Variants in ZFYVE9 observed in about 807,000 individuals in gnomAD.
ZFYVE9 encodes zinc finger FYVE domain-containing protein 9.
In ZFYVE9, 43 loss-of-function variants were observed where a neutral mutation model predicts 126.7. The ratio of observed to expected loss-of-function variants is 0.34; its 90% CI spans 0.27 to 0.44. ZFYVE9 has a LOEUF of 0.44. Among genes scored for constraint, ZFYVE9 ranks in the 20% least tolerant of loss-of-function variants. The pLI, the probability that ZFYVE9 is intolerant of heterozygous loss-of-function variation, is 1.00. For synonymous variants in ZFYVE9, 521 were observed against 597.4 expected (o/e 0.87, Z 1.87); for missense variants, 1,476 against 1,697.0 (o/e 0.87, Z 2.29).
At chr1:52,229,898 C>T (rs1273104285) in intron 2 of ZFYVE9, among the ~76,000 whole-genome samples, 5 of 149,514 alleles carry the variant, frequency 3.3e-5, no homozygotes, top group South Asian at 2.1e-4. Flanking sequence ...GACGGAGTCT[C>T]GCTCTGTCGC....
intron 1 of ZFYVE9, among the ~76,000 whole-genome samples, chr1:52,178,607 G>T (rs1644663960): frequency 6.6e-6 from 1 of 152,130 alleles, no homozygotes; most frequent in Admixed American, 6.5e-5. Flanking sequence ...AGGATTACAG[G>T]CATGAGCCAC....
intron 4 of ZFYVE9, among the ~76,000 whole-genome samples, chr1:52,259,199 T>A (rs1645553317): frequency 1.3e-5 from 2 of 152,170 alleles, no homozygotes; most frequent in African/African-American, 4.8e-5. Flanking sequence ...CTTGTATGTA[T>A]ACCTGTGTCC....
chr1:52,344,114 A>G (rs1646464331), intron 17 of ZFYVE9, among the ~76,000 whole-genome samples: 1 of 151,608 alleles, frequency 6.6e-6, no homozygotes, highest in Admixed American at 6.6e-5. Flanking sequence ...TTAGTCCTCT[A>G]ACGGACTTGC....
intron 1 of ZFYVE9, among the ~76,000 whole-genome samples, chr1:52,183,222 G>A (rs1166837114): frequency 6.6e-6 from 1 of 152,164 alleles, no homozygotes; most frequent in South Asian, 2.1e-4. Flanking sequence ...AAAGACAGAG[G>A]ACACAGGCAC....
intron 4 of ZFYVE9, among the ~76,000 whole-genome samples, chr1:52,256,146 G>T (rs985084558): frequency 4.0e-5 from 6 of 148,926 alleles, no homozygotes; most frequent in African/African-American, 1.5e-4. Flanking sequence ...GCTCACTGCA[G>T]TCTCCACCTC....
chr1:52,264,280 G>A (rs1428238498), intron 5 of ZFYVE9, among the ~76,000 whole-genome samples: 1 of 152,148 alleles, frequency 6.6e-6, no homozygotes, highest in Admixed American at 6.5e-5. Context: ...TAATAACTTA[G>A]CATGTGTTCT....
Position 52,265,638 on chromosome 1 carries a change from G to A in ZFYVE9, c.2279-1017G>A, listed in dbSNP as rs570926166. Among the ~76,000 whole-genome samples, 229 of 152,210 alleles carry A rather than the reference G, an allele frequency of 1.5e-3. 1 individual carries two copies. The highest frequency in any genetic ancestry group is 6.8e-3 in the Middle Eastern group (2 of 294). On this transcript the variant is annotated intron_variant, in intron 5 of 18. Transcript: ENST00000287727. ...GGTTGATCACACTTACATGATATTG[G>A]CACATTTTCATGTTCAAATAGGTCC...
At position 52,268,619 on chromosome 1, in the gene ZFYVE9, C is replaced by G. The variant is rs1645657077; in HGVS notation, c.2612C>G (p.Pro871Arg). ...CCAGTCAAGCCAGTAACTACCAGTC[C>G]TCTACCAGCAGAGGTAAGAAAACAA... ...HDPVKPVTTS[P>R]LPAETDICLF... Residue 871 changes from proline (P) to arginine (R), a missense_variant, in exon 7 of 19, where the codon CCT becomes CGT. Around this residue, in one of 2 missense-constraint regions of ZFYVE9, gnomAD observed 669 missense variants for 902.4 expected, o/e 0.74. Coordinates refer to ENST00000287727, the MANE Select transcript of ZFYVE9 (RefSeq NM_004799.4). 2.7e-5 allele frequency: 43 copies of G among 1,613,916 alleles called. No homozygotes were observed. The highest frequency in any genetic ancestry group is 3.6e-5 in the Non-Finnish European group (42 of 1,179,858).
Position 52,332,748 on chromosome 1 carries a change from G to C in ZFYVE9, c.3439-20G>C. ...AAAATGCCCATTCTTGTCAGAATAA[G>C]GTTATCTCTTTGATTGCAGATGATG... On this transcript the variant is annotated intron_variant, in intron 13 of 18. Coordinates refer to ENST00000287727, the MANE Select transcript of ZFYVE9 (RefSeq NM_004799.4). 1.2e-6 allele frequency: 2 copies of C among 1,610,928 alleles called. No homozygotes were observed. Among genetic ancestry groups the C allele is most frequent in the Non-Finnish European group, 1.7e-6 (2 of 1,178,624 alleles).
intron 1 of ZFYVE9, among the ~76,000 whole-genome samples, chr1:52,199,815 G>A (rs774273394): frequency 2.0e-5 from 3 of 152,198 alleles, no homozygotes; most frequent in Non-Finnish European, 4.4e-5. Flanking sequence ...GAGAGTCCCT[G>A]TTGCACCCAC....
intron 16 of ZFYVE9, among the ~76,000 whole-genome samples, chr1:52,339,376 C>A (rs1646415577): frequency 6.6e-6 from 1 of 152,094 alleles, no homozygotes; most frequent in Non-Finnish European, 1.5e-5. Context: ...CAACCTCCGC[C>A]TCCCAGGTTC....
chr1:52,335,776 C>T (rs2147872577), intron 15 of ZFYVE9, among the ~76,000 whole-genome samples: 1 of 152,288 alleles, frequency 6.6e-6, no homozygotes, highest in African/African-American at 2.4e-5. Flanking sequence ...AAAATGTAGT[C>T]TGCCTCACAT....
chr1:52,180,480 G>A (rs548242859), intron 1 of ZFYVE9: 10 of 957,026 alleles, frequency 1.0e-5, no homozygotes, highest in Non-Finnish European at 1.7e-5. Flanking sequence ...TAAGAAGCCA[G>A]TTGAAGATGT....
chr1:52,260,449 C>A (rs1298728787), intron 4 of ZFYVE9, among the ~76,000 whole-genome samples: 1 of 152,034 alleles, frequency 6.6e-6, no homozygotes, highest in Admixed American at 6.6e-5. Context: ...CAAATCCATT[C>A]TTATTCTCTT....
rs550236952 is a variant in ZFYVE9 at position 52,179,967 on chromosome 1, G to A, written c.-142-36402G>A. 1.4e-4 allele frequency: 146 copies of A among 1,020,848 alleles called. 1 individual carries two copies. The East Asian group carries it at 2.5e-3, about 17-fold the overall frequency. 63.2% of individuals were successfully genotyped at this position (1,020,848 alleles called of 1,614,324 possible). On this transcript the variant is annotated intron_variant, in intron 1 of 18. Transcript: ENST00000287727. ...GCAGCGCATCCTCCAGCAGTCAGTC[G>A]TGACAACATAGGAAGATATGACTTT...
At chr1:52,272,538 A>C (rs1645702639) in intron 7 of ZFYVE9, among the ~76,000 whole-genome samples, 1 of 152,204 alleles carries the variant, frequency 6.6e-6, no homozygotes, top group Non-Finnish European at 1.5e-5. Context: ...ATATGCATCA[A>C]AAATTAATTT....
intron 1 of ZFYVE9, among the ~76,000 whole-genome samples, chr1:52,194,569 A>G (rs765755884): frequency 2.0e-5 from 3 of 152,202 alleles, no homozygotes; most frequent in Admixed American, 6.5e-5. Flanking sequence ...GAGATTGGTA[A>G]AAGATTGATT....
intron 10 of ZFYVE9, among the ~76,000 whole-genome samples, chr1:52,287,651 G>T (rs1321830988): frequency 1.3e-5 from 2 of 148,992 alleles, no homozygotes; most frequent in Non-Finnish European, 3.0e-5. Flanking sequence ...TTGAGGCCAG[G>T]ACTTTGAGAC....
At chr1:52,239,783 A>AT (rs1478951812) in intron 4 of ZFYVE9, among the ~76,000 whole-genome samples, 188 bp downstream of exon 4, 3 of 152,022 alleles carry the variant, frequency 2.0e-5, no homozygotes, top group East Asian at 3.9e-4. Flanking sequence ...AGTATTTGTA[A>AT]TTTTTTTTGT....
Sources: allele counts gnomAD v4.1 joint callset (sites outside exome capture counted in the v4.1 genomes callset), GRCh38; gene constraint gnomAD v4.1.1; regional missense constraint gnomAD v4.1.1; transcripts MANE v1.5; gene names NCBI Gene and HGNC (gene_info 2026-07-23, HGNC 2026-07-21).